Variants in C10orf53 observed in about 807,000 individuals in gnomAD.
C10orf53 encodes the protein UPF0728 protein C10orf53.
A neutral mutation model predicts 9.4 loss-of-function variants in C10orf53; 8 were observed. The ratio of observed to expected loss-of-function variants is 0.85; its 90% CI spans 0.50 to 1.53. The LOEUF (loss-of-function observed/expected upper bound fraction) is 1.53, where lower values mean the gene tolerates loss of function less well. C10orf53 is among the 40% of genes most tolerant of loss of function. C10orf53 has a pLI of 0.00. For missense variants in C10orf53, 117 were observed against 117.8 expected (o/e 0.99, Z 0.03); for synonymous variants, 48 against 46.0 (o/e 1.04, Z -0.18).
intron 1 of C10orf53, among the ~76,000 whole-genome samples, chr10:49,693,485 C>G (rs1357779477): frequency 6.6e-6 from 1 of 152,220 alleles, no homozygotes; most frequent in Non-Finnish European, 1.5e-5. Flanking sequence ...GATTGAGCCT[C>G]TGGAAAGCCC....
At chr10:49,682,865 T>C (rs977316521) in intron 1 of C10orf53, among the ~76,000 whole-genome samples, 1 of 152,238 alleles carries the variant, frequency 6.6e-6, no homozygotes, top group African/African-American at 2.4e-5. Flanking sequence ...ACTTTGTAGC[T>C]TATTTCACTT....
intron 1 of C10orf53, among the ~76,000 whole-genome samples, chr10:49,680,971 C>T (rs1352043192): frequency 1.3e-5 from 2 of 152,186 alleles, no homozygotes; most frequent in Admixed American, 1.3e-4. Flanking sequence ...CCAACTTAGA[C>T]TTCTTGACTT....
chr10:49,699,190 C>CTTTTTTTTTTTTTTTTTTTTTTT (rs67695235), downstream of C10orf53, among the ~76,000 whole-genome samples: 2 of 64,870 alleles, frequency 3.1e-5, no homozygotes, highest in East Asian at 6.1e-4. Flanking sequence ...GTGGCTCAAT[C>CTTTTTTTTTTTTTTTTTTTTTTT]TTTTTTTTTT....
chr10:49,691,654 G>A (rs912068670), intron 1 of C10orf53, among the ~76,000 whole-genome samples: 1 of 152,200 alleles, frequency 6.6e-6, no homozygotes, highest in African/African-American at 2.4e-5. Flanking sequence ...TGATTCGGTG[G>A]ATCAATTCCT....
intron 1 of C10orf53, among the ~76,000 whole-genome samples, chr10:49,684,962 T>C (rs2132875642): frequency 6.6e-6 from 1 of 152,348 alleles, no homozygotes; most frequent in East Asian, 1.9e-4. Context: ...GTGGGCCTCC[T>C]TCAATCAGTT....
chr10:49,700,982 G>A (rs780236724), downstream of C10orf53, among the ~76,000 whole-genome samples: 1 of 150,892 alleles, frequency 6.6e-6, no homozygotes, highest in Non-Finnish European at 1.5e-5. Flanking sequence ...CCTGAACCAA[G>A]AAGAGCCAGG....
downstream of C10orf53, among the ~76,000 whole-genome samples, chr10:49,697,831 C>A (rs536179465): frequency 2.0e-5 from 3 of 152,198 alleles, no homozygotes; most frequent in Admixed American, 6.5e-5. Context: ...CAGGCATGAG[C>A]CACACCAAGC....
intron 2 of C10orf53, among the ~76,000 whole-genome samples, chr10:49,706,202 A>T (rs1840721111): frequency 6.6e-6 from 1 of 152,238 alleles, no homozygotes; most frequent in African/African-American, 2.4e-5. Flanking sequence ...ACCCCTAAAA[A>T]AGTAAAACAT....
At chr10:49,680,601 A>G (rs191832986) in intron 1 of C10orf53, among the ~76,000 whole-genome samples, 109 of 152,324 alleles carry the variant, frequency 7.2e-4, no homozygotes, top group Non-Finnish European at 1.1e-3. Flanking sequence ...AGTGCCGCAG[A>G]TAAGTTTTAG....
At chr10:49,686,368 G>A (rs1430747698) in intron 1 of C10orf53, among the ~76,000 whole-genome samples, 1 of 152,122 alleles carries the variant, frequency 6.6e-6, no homozygotes, top group African/African-American at 2.4e-5. Flanking sequence ...AAATATGTGT[G>A]TTTGAACAAT....
intron 2 of C10orf53, among the ~76,000 whole-genome samples, chr10:49,703,339 TATATC>T (rs751390663): frequency 3.9e-5 from 6 of 152,182 alleles, no homozygotes; most frequent in East Asian, 1.9e-4. Context: ...GGGCAGAAAT[TATATC>T]ATATCAACAC....
rs528408166 is a variant in C10orf53, at chr10:49,696,757, T to C, written c.*2155T>C. ...CCGAGGTTTCCTCTGAGCAGTGGGA[T>C]TGGGGGGTGTGGGGGGCAGGTGAGG... On this transcript the variant is annotated 3_prime_UTR_variant, in exon 3 of 3. Coordinates refer to ENST00000374111, the MANE Select transcript of C10orf53 (RefSeq NM_001042427.3). 2.0e-5 allele frequency among the ~76,000 whole-genome samples: 3 copies of C among 151,840 alleles called. No individual in the cohort carries two copies. The highest frequency in any genetic ancestry group is 6.5e-5 in the Admixed American group (1 of 15,270).
intron 1 of C10orf53, among the ~76,000 whole-genome samples, chr10:49,692,674 T>C (rs1189192820): frequency 6.6e-6 from 1 of 152,224 alleles, no homozygotes; most frequent in East Asian, 1.9e-4. Flanking sequence ...ATGGGTTAAA[T>C]ATATCCAGGA....
rs113001257 is a variant in C10orf53 at position 49,691,805 on chromosome 10, G to A, written c.98-1969G>A. On this transcript the variant is annotated intron_variant, in intron 1 of 2. Coordinates refer to ENST00000374111, the MANE Select transcript of C10orf53 (RefSeq NM_001042427.3). ...TGCTCGCCTCCTGGGGCCTCCACCC[G>A]TAGGGCTGCTCCTTGCCCACAGTCC... 3.4e-3 allele frequency among the ~76,000 whole-genome samples: 517 copies of A among 152,320 alleles called. 5 individuals are homozygous for A. The highest frequency in any genetic ancestry group is 0.012 in the African/African-American group (494 of 41,576).
At chr10:49,694,398 C>T (rs1034926350) in intron 2 of C10orf53, 140 bp from the exon 3 acceptor site, 1 of 1,172,468 alleles carries the variant, frequency 8.5e-7, no homozygotes, top group Non-Finnish European at 1.2e-6. Context: ...AATCCACTAA[C>T]ACTCTATTAA....
Position 49,708,783 on chromosome 10 carries a change from C to T in C10orf53, c.*166C>T, listed in dbSNP as rs905019359. On this transcript the variant is annotated 3_prime_UTR_variant, in exon 3 of 3. Transcript: ENST00000374112. ...GTCCCACAGGCAACCTGTGGCAAACCCAACGTGATTCTCCCCAGCTCTGAG... is the reference window on the plus strand; with the variant it reads ...GTCCCACAGGCAACCTGTGGCAAACTCAACGTGATTCTCCCCAGCTCTGAG... 7.4e-6 allele frequency: 7 copies of T among 940,966 alleles called. No individual in the cohort carries two copies. In the African/African-American group the frequency reaches 1.0e-4, roughly 13 times the overall value. 58.3% of individuals were successfully genotyped at this position (940,966 alleles called of 1,614,324 possible).
rs554647508 is a variant in C10orf53, at chr10:49,697,157, C to T, written c.*2555C>T. Among the ~76,000 whole-genome samples, 7 of 152,312 alleles carry T rather than the reference C, an allele frequency of 4.6e-5. No individual in the cohort carries two copies. In the South Asian group the frequency reaches 1.5e-3, roughly 32 times the overall value. ...GCAGCGAACCTAGATCACGCCACTG[C>T]ACTCCAGCCTGGGTGACAAAGTGAG... On this transcript the variant is annotated 3_prime_UTR_variant, in exon 3 of 3. Transcript: ENST00000374111.
chr10:49,698,757 G>C (rs972887366), downstream of C10orf53, among the ~76,000 whole-genome samples: 2 of 152,172 alleles, frequency 1.3e-5, no homozygotes, highest in African/African-American at 4.8e-5. Flanking sequence ...CGCTATAGTG[G>C]CAGCTGTGAG....
downstream of C10orf53, among the ~76,000 whole-genome samples, chr10:49,698,810 C>T (rs577124674): frequency 6.6e-5 from 10 of 152,240 alleles, no homozygotes; most frequent in South Asian, 1.0e-3. Flanking sequence ...ACTTCTCCCC[C>T]GTGCAAATCA....
Sources: allele counts gnomAD v4.1 joint callset (sites outside exome capture counted in the v4.1 genomes callset), GRCh38; gene constraint gnomAD v4.1.1; transcripts MANE v1.5; gene names NCBI Gene and HGNC (gene_info 2026-07-23, HGNC 2026-07-21).